Variants in GLIS3 observed in about 807,000 individuals in gnomAD.
The protein encoded by GLIS3 is GLIS family zinc finger 3, also known as zinc finger protein GLIS3.
In GLIS3, 53 loss-of-function variants were observed where a neutral mutation model predicts 78.6. The observed-to-expected ratio is 0.67, with a 90% CI of 0.54 to 0.85. The LOEUF is 0.85. GLIS3 is among the 40% of genes least tolerant of loss of function. The pLI, the probability that GLIS3 is intolerant of heterozygous loss-of-function variation, is 0.00. For missense variants in GLIS3, 1,703 were observed against 1,231.1 expected, an observed-to-expected ratio of 1.38 and a Z score of -5.74; for synonymous variants, 684 against 509.9, an observed-to-expected ratio of 1.34 and a Z score of -4.60.
chr9:4,354,706 G>A, the GLIS3 span, among the ~76,000 whole-genome samples: 1 of 152,144 alleles, frequency 6.6e-6, no homozygotes, highest in African/African-American at 2.4e-5. Context: ...CTGGAGTGAT[G>A]CATAAGTGTC....
chr9:4,387,717 C>T, the GLIS3 span, among the ~76,000 whole-genome samples: 2 of 152,210 alleles, frequency 1.3e-5, no homozygotes, highest in East Asian at 1.9e-4. Flanking sequence ...TCCCCTACCA[C>T]TGAATTTCTA....
chr9:3,995,846 CA>C (rs1326746195), intron 4 of GLIS3, among the ~76,000 whole-genome samples: 1 of 152,014 alleles, frequency 6.6e-6, no homozygotes, highest in Non-Finnish European at 1.5e-5. Context: ...CCTGCTAAAT[CA>C]GAGTTCCAGG....
chr9:4,045,303 G>T (rs1563981692), intron 4 of GLIS3, among the ~76,000 whole-genome samples: 1 of 152,074 alleles, frequency 6.6e-6, no homozygotes, highest in South Asian at 2.1e-4. Context: ...AAAGCTGCAG[G>T]AAGATGAAGT....
the GLIS3 span, among the ~76,000 whole-genome samples, chr9:4,490,093 G>A: frequency 6.6e-6 from 1 of 152,228 alleles, no homozygotes; most frequent in Non-Finnish European, 1.5e-5. Flanking sequence ...GCCGGCGCTG[G>A]AAATAGCTGG....
At chr9:3,995,440 G>T (rs1285828625) in intron 4 of GLIS3, among the ~76,000 whole-genome samples, 2 of 151,902 alleles carry the variant, frequency 1.3e-5, no homozygotes, top group Non-Finnish European at 2.9e-5. Context: ...AACTACTACC[G>T]TGAATAATAG....
chr9:4,189,787 G>C (rs964060879), intron 2 of GLIS3, among the ~76,000 whole-genome samples: 2 of 152,014 alleles, frequency 1.3e-5, no homozygotes, highest in African/African-American at 2.4e-5. Flanking sequence ...CTGGTTTAAA[G>C]TCTGTTTTAT....
intron 2 of GLIS3, among the ~76,000 whole-genome samples, chr9:4,257,503 G>T (rs1001959350): frequency 6.6e-6 from 1 of 152,170 alleles, no homozygotes; most frequent in African/African-American, 2.4e-5. Flanking sequence ...CAAACCAAAA[G>T]AAAGAAAGGT....
Position 4,152,098 on chromosome 9 carries a change from C to A in GLIS3, c.389-26157G>T, listed in dbSNP as rs16920804. 1.2e-3 allele frequency: 1,188 copies of A among 976,856 alleles called. 14 individuals carry two copies. The African/African-American group carries it at 0.02, about 16-fold the overall frequency. 60.5% of individuals were successfully genotyped at this position (976,856 alleles called of 1,614,324 possible). The stretch of plus-strand genomic sequence containing the variant: ...AACAAACAAGTAACACAATATTTTT[C>A]TACGGCCATTCAAACCTCTATTAGT... On this transcript the variant is annotated intron_variant, in intron 2 of 10. Coordinates refer to ENST00000381971, the MANE Select transcript of GLIS3 (RefSeq NM_001042413.2).
rs199664402 is a variant in GLIS3 at position 4,053,705 on chromosome 9, T to C, written c.1710+64063A>G. On this transcript the variant is annotated intron_variant, in intron 4 of 10. Coordinates refer to ENST00000381971, the MANE Select transcript of GLIS3 (RefSeq NM_001042413.2). The stretch of plus-strand genomic sequence containing the variant: ...AGTGCCTACTTGTTTTCTTTCTTCA[T>C]AAAAAAAAAAAAAAAAAATTCTGGA... Among the ~76,000 whole-genome samples the C allele has an allele frequency of 4.9e-3, 445 of 91,148 alleles. 4 individuals carry two copies. Among genetic ancestry groups the C allele is most frequent in the African/African-American group, 0.014 (405 of 28,076 alleles). The allele number at this position is 91,148 out of a possible 152,430, so 59.8% of individuals were successfully genotyped here.
chr9:4,122,593 C>G (rs1027039565), intron 3 of GLIS3, among the ~76,000 whole-genome samples: 1 of 152,170 alleles, frequency 6.6e-6, no homozygotes, highest in African/African-American at 2.4e-5. Context: ...AAGCTAAGCA[C>G]TTGGACTTTC....
intron 4 of GLIS3, among the ~76,000 whole-genome samples, chr9:4,083,378 T>C (rs958294503): frequency 6.6e-6 from 1 of 152,130 alleles, no homozygotes; most frequent in African/African-American, 2.4e-5. Context: ...CACAGCCCTC[T>C]AGGTAGCTGC....
At chr9:4,108,957 G>A (rs1372435391) in intron 4 of GLIS3, among the ~76,000 whole-genome samples, 1 of 152,166 alleles carries the variant, frequency 6.6e-6, no homozygotes. Flanking sequence ...AGAAGCTCAA[G>A]TAACAAAAGG....
intron 4 of GLIS3, among the ~76,000 whole-genome samples, chr9:3,994,354 T>C (rs1820575777): frequency 6.6e-6 from 1 of 152,148 alleles, no homozygotes; most frequent in South Asian, 2.1e-4. Flanking sequence ...GTTGAAAATA[T>C]TTGGCAAATA....
At chr9:4,144,749 T>A (rs1447784681) in intron 2 of GLIS3, 1 of 152,268 alleles carries the variant, frequency 6.6e-6, no homozygotes, top group Non-Finnish European at 1.5e-5. Flanking sequence ...GCCACTGGTA[T>A]GAAAAGGCTT....
intron 4 of GLIS3, among the ~76,000 whole-genome samples, chr9:3,983,432 C>A (rs1003943242): frequency 6.6e-6 from 1 of 152,106 alleles, no homozygotes; most frequent in East Asian, 1.9e-4. Context: ...ACTGTAGATA[C>A]TTAAAAATGT....
At chr9:4,418,943 G>A in the GLIS3 span, among the ~76,000 whole-genome samples, 1 of 152,198 alleles carries the variant, frequency 6.6e-6, no homozygotes, top group Non-Finnish European at 1.5e-5. Flanking sequence ...AGACTGTGAA[G>A]TGCAATCAAC....
chr9:4,448,019 T>G, the GLIS3 span, among the ~76,000 whole-genome samples: 2 of 152,182 alleles, frequency 1.3e-5, no homozygotes, highest in Non-Finnish European at 2.9e-5. Flanking sequence ...CCCGAAGAGT[T>G]GAGATTACAG....
At chr9:4,371,834 G>A in the GLIS3 span, among the ~76,000 whole-genome samples, 265 of 152,292 alleles carry the variant, frequency 1.7e-3, no homozygotes, top group South Asian at 3.3e-3. Flanking sequence ...CTGAACTTTT[G>A]CTTCAAAGAT....
chr9:3,871,052 A>C (rs1199601139), intron 8 of GLIS3, among the ~76,000 whole-genome samples: 1 of 152,230 alleles, frequency 6.6e-6, no homozygotes, highest in African/African-American at 2.4e-5. Flanking sequence ...GAATTGGCCA[A>C]AACAGAGGGG....
Sources: gnomAD v4.1 joint callset for allele counts (sites outside exome capture counted in the v4.1 genomes callset) on GRCh38, gnomAD v4.1.1 for gene constraint, MANE v1.5 for transcripts, NCBI Gene and HGNC (gene_info 2026-07-23, HGNC 2026-07-21) for gene names.